The following PTPRD variants were observed in gnomAD, a reference collection of about 807,000 sequenced individuals.
PTPRD encodes the protein receptor-type tyrosine-protein phosphatase delta.
A neutral mutation model predicts 214.5 loss-of-function variants in PTPRD; 34 were observed. The observed-to-expected ratio is 0.16, with a 90% CI of 0.12 to 0.21. The LOEUF (loss-of-function observed/expected upper bound fraction) is 0.21, where lower values mean the gene tolerates loss of function less well. PTPRD is among the 10% of genes least tolerant of loss of function. PTPRD has a pLI of 1.00. For synonymous variants in PTPRD, 1,128 were observed against 845.7 expected (o/e 1.33, Z -5.79); for missense variants, 2,545 against 2,398.7 (o/e 1.06, Z -1.27).
intron 3 of PTPRD, among the ~76,000 whole-genome samples, chr9:10,121,681 T>C (rs912757496): frequency 1.3e-5 from 2 of 152,212 alleles, no homozygotes; most frequent in Non-Finnish European, 2.9e-5. Context: ...TCTCATACAA[T>C]AGTTCAAAGT....
At chr9:8,455,412 A>G (rs1348008398) in intron 33 of PTPRD, among the ~76,000 whole-genome samples, 1 of 152,238 alleles carries the variant, frequency 6.6e-6, no homozygotes, top group Non-Finnish European at 1.5e-5. Flanking sequence ...GTAAATAACC[A>G]TATTATTTCT....
chr9:8,601,826 T>C (rs1401117831), intron 14 of PTPRD, among the ~76,000 whole-genome samples: 1 of 152,174 alleles, frequency 6.6e-6, no homozygotes, highest in East Asian at 1.9e-4. Context: ...TAGAAAACCA[T>C]ACATTTATTA....
chr9:8,483,497 A>C (rs1355585063), intron 30 of PTPRD, among the ~76,000 whole-genome samples: 1 of 152,238 alleles, frequency 6.6e-6, no homozygotes, highest in Non-Finnish European at 1.5e-5. Context: ...TCATGCCTAT[A>C]ATCCTAGCAC....
At chr9:9,216,664 T>C (rs2099952471) in intron 9 of PTPRD, among the ~76,000 whole-genome samples, 2 of 152,146 alleles carry the variant, frequency 1.3e-5, no homozygotes, top group South Asian at 4.1e-4. Flanking sequence ...AGCTTGGGTC[T>C]AGAAAGACCA....
At chr9:10,334,884 CA>C (rs1437699856) in intron 3 of PTPRD, among the ~76,000 whole-genome samples, 2 of 151,580 alleles carry the variant, frequency 1.3e-5, no homozygotes, top group Non-Finnish European at 3.0e-5. Context: ...ATAAATCTAA[CA>C]AAATATGTAT....
intron 3 of PTPRD, among the ~76,000 whole-genome samples, chr9:10,269,961 G>C (rs918897695): frequency 2.6e-5 from 4 of 151,972 alleles, no homozygotes; most frequent in Non-Finnish European, 5.9e-5. Flanking sequence ...ATTCAAATAG[G>C]GAAATACAGA....
At chr9:10,399,385 TACA>T (rs1405249989) in intron 2 of PTPRD, among the ~76,000 whole-genome samples, 2 of 151,980 alleles carry the variant, frequency 1.3e-5, no homozygotes, top group Non-Finnish European at 2.9e-5. Flanking sequence ...TAAGCAGAAA[TACA>T]ACATTAACAT....
At chr9:10,025,662 A>G (rs2096909807) in intron 4 of PTPRD, among the ~76,000 whole-genome samples, 1 of 152,194 alleles carries the variant, frequency 6.6e-6, no homozygotes, top group Non-Finnish European at 1.5e-5. Flanking sequence ...TTTTTAAAAA[A>G]TTAGATAACC....
chr9:10,441,017 G>A (rs1414563740), intron 2 of PTPRD, among the ~76,000 whole-genome samples: 1 of 151,550 alleles, frequency 6.6e-6, no homozygotes, highest in Non-Finnish European at 1.5e-5. Flanking sequence ...ATATTTCACA[G>A]AGTGAAAATA....
intron 11 of PTPRD, among the ~76,000 whole-genome samples, chr9:8,877,216 C>T (rs758287329): frequency 2.0e-5 from 3 of 152,128 alleles, no homozygotes; most frequent in Non-Finnish European, 4.4e-5. Flanking sequence ...TGAACCACCG[C>T]GCCCAGCCTG....
chr9:8,520,783 T>G (rs2138795560), intron 20 of PTPRD, among the ~76,000 whole-genome samples: 1 of 152,342 alleles, frequency 6.6e-6, no homozygotes, highest in East Asian at 1.9e-4. Flanking sequence ...CTTACTTGCC[T>G]TTTGATTTTT....
intron 10 of PTPRD, among the ~76,000 whole-genome samples, chr9:9,071,695 T>A (rs1217957744): frequency 6.6e-6 from 1 of 152,034 alleles, no homozygotes; most frequent in Non-Finnish European, 1.5e-5. Flanking sequence ...AACCTACAGA[T>A]GAAAATGCAA....
At chr9:8,528,515 A>G in intron 15 of PTPRD, 76 bp downstream of exon 15, 1 of 1,260,712 alleles carries the variant, frequency 7.9e-7, no homozygotes, top group Non-Finnish European at 1.1e-6. Context: ...AATAAATTAA[A>G]ATTAAAAATA....
intron 2 of PTPRD, among the ~76,000 whole-genome samples, chr9:10,342,279 T>C (rs976243641): frequency 1.3e-5 from 2 of 152,080 alleles, no homozygotes; most frequent in Non-Finnish European, 2.9e-5. Flanking sequence ...ACTTTGCTTA[T>C]TCAAGATTAT....
intron 14 of PTPRD, among the ~76,000 whole-genome samples, chr9:8,567,101 A>G (rs933179438): frequency 1.3e-5 from 2 of 152,178 alleles, no homozygotes; most frequent in Non-Finnish European, 2.9e-5. Context: ...TAAATGACAC[A>G]ATATTTTATC....
intron 11 of PTPRD, among the ~76,000 whole-genome samples, chr9:8,910,806 G>C (rs369520918): frequency 2.3e-4 from 35 of 152,176 alleles, no homozygotes; most frequent in African/African-American, 8.0e-4. Flanking sequence ...TTATTTCTAT[G>C]CATTAGCAAT....
At chr9:10,415,125 T>G (rs1216941441) in intron 2 of PTPRD, among the ~76,000 whole-genome samples, 2 of 151,758 alleles carry the variant, frequency 1.3e-5, no homozygotes, top group Non-Finnish European at 2.9e-5. Context: ...ATAAAAAACA[T>G]AGCCTAAATA....
intron 8 of PTPRD, among the ~76,000 whole-genome samples, chr9:9,501,806 A>G (rs1169788026): frequency 6.6e-6 from 1 of 151,952 alleles, no homozygotes; most frequent in Non-Finnish European, 1.5e-5. Context: ...ATTTTAGACT[A>G]CCAGTGAGTC....
intron 26 of PTPRD, 88 bp downstream of exon 26, chr9:8,497,154 T>C (rs1033174759): frequency 1.3e-5 from 15 of 1,168,834 alleles, no homozygotes; most frequent in South Asian, 7.3e-5. Context: ...AAGCAAACTG[T>C]GATGACAGAT....
Sources: gnomAD v4.1 joint callset for allele counts (sites outside exome capture counted in the v4.1 genomes callset) on GRCh38, gnomAD v4.1.1 for gene constraint, MANE v1.5 for transcripts, NCBI Gene and HGNC (gene_info 2026-07-23, HGNC 2026-07-21) for gene names.